The following PTK2 variants were observed in gnomAD, a reference collection of about 807,000 sequenced individuals.
PTK2 encodes the protein protein tyrosine kinase 2.
In PTK2, 45 loss-of-function variants were observed where a neutral mutation model predicts 150.1. The observed-to-expected ratio is 0.30, with a 90% CI of 0.24 to 0.38. The LOEUF is 0.38. Among genes scored for constraint, PTK2 ranks in the 10% least tolerant of loss-of-function variants. The probability of loss-of-function intolerance (pLI) is 1.00; values close to 1 mark genes in which losing one functional copy is unlikely to be tolerated. For missense variants in PTK2, 919 were observed against 1,307.3 expected, an observed-to-expected ratio of 0.70 and a Z score of 4.58; for synonymous variants, 432 against 449.2, an observed-to-expected ratio of 0.96 and a Z score of 0.48.
intron 23 of PTK2, among the ~76,000 whole-genome samples, chr8:140,710,424 T>C (rs894979014): frequency 2.0e-5 from 3 of 151,894 alleles, no homozygotes; most frequent in African/African-American, 7.3e-5. Flanking sequence ...GGTTCAAGAC[T>C]TTGGGAGGCC....
chr8:140,995,559 C>T (rs1412196028), intron 1 of PTK2, among the ~76,000 whole-genome samples: 1 of 151,986 alleles, frequency 6.6e-6, no homozygotes, highest in African/African-American at 2.4e-5. Flanking sequence ...AATCCTAGCA[C>T]TTTGGGAAAA....
At position 140,873,621 on chromosome 8, in the gene PTK2, A is replaced by G. The variant is rs576345681; in HGVS notation, c.362+5850T>C. On this transcript the variant is annotated intron_variant, in intron 4 of 31. Coordinates refer to ENST00000522684, the Ensembl canonical transcript of PTK2. Reference sequence around the variant, plus strand: ...GCTGGGATTACAGACGTCCGCCATGACGCCTGGTAATTTTTGTATTTTTAG... The same window carrying G: ...GCTGGGATTACAGACGTCCGCCATGGCGCCTGGTAATTTTTGTATTTTTAG... Among the ~76,000 whole-genome samples the G allele has an allele frequency of 7.2e-5, 11 of 152,178 alleles. No individual in the cohort carries two copies. The South Asian group carries it at 2.1e-3, about 29-fold the overall frequency.
chr8:140,791,143 AC>A (rs2100088205), intron 13 of PTK2, among the ~76,000 whole-genome samples: 1 of 151,988 alleles, frequency 6.6e-6, no homozygotes, highest in Admixed American at 6.6e-5. Context: ...TCACTTTCAT[AC>A]CTATGTTCAT....
At chr8:140,741,222 TG>T (rs754404919) in intron 20 of PTK2, among the ~76,000 whole-genome samples, 40 of 151,564 alleles carry the variant, frequency 2.6e-4, no homozygotes, top group Admixed American at 4.6e-4. Context: ...GAGGCTGAGG[TG>T]GGCGGATCAT....
intron 24 of PTK2, among the ~76,000 whole-genome samples, chr8:140,704,792 T>A (rs1270304900): frequency 6.6e-6 from 1 of 152,146 alleles, no homozygotes; most frequent in Non-Finnish European, 1.5e-5. Flanking sequence ...TCTTCACTTA[T>A]GGAAATGGTA....
In PTK2 at chr8:140,953,883, T is replaced by C. The variant is rs1022917151; in HGVS notation, c.-121-28134A>G. On this transcript the variant is annotated intron_variant, in intron 1 of 31. Coordinates refer to ENST00000522684, the Ensembl canonical transcript of PTK2. ...TCACTGCAGCCTCAAATTCCCGTGA[T>C]CCAGGCATGCATTACCACACCTGAC... 4.6e-5 allele frequency among the ~76,000 whole-genome samples: 7 copies of C among 152,176 alleles called. No individual in the cohort carries two copies. In the East Asian group the frequency reaches 1.2e-3, roughly 25 times the overall value.
intron 27 of PTK2, among the ~76,000 whole-genome samples, chr8:140,678,681 A>C (rs1233648050): frequency 6.6e-6 from 1 of 152,206 alleles, no homozygotes; most frequent in African/African-American, 2.4e-5. Context: ...TAGGAAGGTC[A>C]GGCCTTCTAA....
chr8:140,721,374 A>G (rs907740908), intron 22 of PTK2, among the ~76,000 whole-genome samples: 3 of 152,184 alleles, frequency 2.0e-5, no homozygotes, highest in African/African-American at 7.2e-5. Flanking sequence ...TTTGAACTTG[A>G]CAAATGTAAA....
intron 1 of PTK2, among the ~76,000 whole-genome samples, chr8:140,926,107 A>G (rs1408481825): frequency 6.6e-6 from 1 of 152,224 alleles, no homozygotes. Flanking sequence ...TGAATTGCAA[A>G]GCTGGAAATC....
At chr8:140,768,999 T>C (rs2100074015) in intron 14 of PTK2, among the ~76,000 whole-genome samples, 1 of 152,182 alleles carries the variant, frequency 6.6e-6, no homozygotes, top group African/African-American at 2.4e-5. Context: ...TAAAGGAGGA[T>C]AAAGTTTCAT....
intron 11 of PTK2, among the ~76,000 whole-genome samples, chr8:140,801,065 T>A (rs1261651794): frequency 6.6e-6 from 1 of 152,232 alleles, no homozygotes; most frequent in Admixed American, 6.5e-5. Flanking sequence ...CTCTTTCCAA[T>A]ATAAAATTTG....
intron 4 of PTK2, among the ~76,000 whole-genome samples, chr8:140,871,605 C>G (rs1222796800): frequency 2.6e-5 from 4 of 152,136 alleles, no homozygotes; most frequent in Admixed American, 6.6e-5. Flanking sequence ...TTGAGATCAG[C>G]CTGGGTAACA....
intron 26 of PTK2, among the ~76,000 whole-genome samples, chr8:140,694,480 G>A (rs942806349): frequency 3.3e-5 from 5 of 152,130 alleles, no homozygotes; most frequent in Non-Finnish European, 4.4e-5. Context: ...GGTCTGCAAC[G>A]GTTTAGAAAG....
intron 31 of PTK2, chr8:140,662,751 G>A (rs1194836733): frequency 6.8e-6 from 4 of 587,834 alleles, no homozygotes; most frequent in Non-Finnish European, 1.3e-5. Context: ...TGGGTATGAT[G>A]CTGAGAAGGA....
At chr8:140,841,709 G>T (rs1054729271) in intron 7 of PTK2, among the ~76,000 whole-genome samples, 14 of 151,782 alleles carry the variant, frequency 9.2e-5, no homozygotes, top group African/African-American at 3.4e-4. Flanking sequence ...GTGTTAACAT[G>T]ACAAAGACTG....
chr8:140,722,592 G>C (rs1201529914), intron 22 of PTK2, among the ~76,000 whole-genome samples: 1 of 152,136 alleles, frequency 6.6e-6, no homozygotes, highest in Non-Finnish European at 1.5e-5. Flanking sequence ...TGGCCAAACA[G>C]GAAAGGACCT....
At chr8:140,666,472 A>G (rs2091851407) in intron 30 of PTK2, among the ~76,000 whole-genome samples, 1 of 152,188 alleles carries the variant, frequency 6.6e-6, no homozygotes, top group South Asian at 2.1e-4. Context: ...TCCAAAAAAG[A>G]TACACAAACG....
At chr8:140,701,682 G>A (rs2100030534) in intron 25 of PTK2, among the ~76,000 whole-genome samples, 1 of 152,204 alleles carries the variant, frequency 6.6e-6, no homozygotes, top group African/African-American at 2.4e-5. Context: ...TTGGCCTCAT[G>A]TACATGCTGA....
intron 7 of PTK2, among the ~76,000 whole-genome samples, chr8:140,845,469 T>C (rs538559294): frequency 6.6e-6 from 1 of 152,276 alleles, no homozygotes; most frequent in South Asian, 2.1e-4. Context: ...ATCTACACTT[T>C]GTGAATCACT....
Sources: allele counts gnomAD v4.1 joint callset (sites outside exome capture counted in the v4.1 genomes callset), GRCh38; gene constraint gnomAD v4.1.1; transcripts MANE v1.5; gene names NCBI Gene and HGNC (gene_info 2026-07-23, HGNC 2026-07-21).